Variants in PCDHGA4 observed in about 807,000 individuals in gnomAD.
PCDHGA4 encodes protocadherin gamma subfamily A, 4.
PCDHGA4 carries 38 observed loss-of-function variants against 54.6 expected under a neutral mutation model. The observed-to-expected ratio is 0.70, with a 90% CI of 0.54 to 0.91. The LOEUF (loss-of-function observed/expected upper bound fraction) is 0.91. Among genes scored for constraint, PCDHGA4 ranks in the 40% least tolerant of loss-of-function variants. The pLI, the probability that PCDHGA4 is intolerant of heterozygous loss-of-function variation, is 0.00. For missense variants in PCDHGA4, 1,298 were observed against 1,220.9 expected, an observed-to-expected ratio of 1.06 and a Z score of -0.94; for synonymous variants, 511 against 512.9, an observed-to-expected ratio of 1.00 and a Z score of 0.05.
chr5:141,415,477 CGAAA>C (rs764359660), intron 1 of PCDHGA4: 56 of 1,614,066 alleles, frequency 3.5e-5, no homozygotes, highest in Middle Eastern at 3.3e-4. Context: ...CGCGGACTCG[CGAAA>C]GAGTCACCTG....
intron 1 of PCDHGA4, chr5:141,376,291 C>G (rs780024608): frequency 6.2e-6 from 10 of 1,614,040 alleles, no homozygotes; most frequent in South Asian, 1.1e-5. Flanking sequence ...CGAGCATGCC[C>G]GGCTCGCACT....
In PCDHGA4 at chr5:141,490,540, C is replaced by T; in HGVS notation, c.2515-4267C>T. The T allele has an allele frequency of 6.2e-7, 1 of 1,614,148 alleles. No homozygotes were observed. Among genetic ancestry groups the T allele is most frequent in the Non-Finnish European group, 8.5e-7 (1 of 1,180,024 alleles). ...GGCCAGCGATGCTGGTTCACCTTCC[C>T]TACACAAACATCTCACCATCAGGCT... On this transcript the variant is annotated intron_variant, in intron 1 of 3. Coordinates refer to ENST00000571252, the MANE Select transcript of PCDHGA4 (RefSeq NM_018917.4). This position sits in a 1 kb window ranked among gnomAD's most constrained non-coding sequence, Gnocchi z 5.4.
chr5:141,369,471 A>T (rs1182179165), intron 1 of PCDHGA4, among the ~76,000 whole-genome samples: 1 of 152,168 alleles, frequency 6.6e-6, no homozygotes, highest in South Asian at 2.1e-4. Context: ...GTTCTAGCCC[A>T]GCCTGGGCAA....
chr5:141,394,302 C>T (rs1380425662), intron 1 of PCDHGA4: 1 of 1,614,010 alleles, frequency 6.2e-7, no homozygotes, highest in Non-Finnish European at 8.5e-7. Flanking sequence ...GGACACGCTG[C>T]AGGGGGCGCC....
Position 141,432,155 on chromosome 5 carries a change from C to T in PCDHGA4, c.2515-62652C>T, listed in dbSNP as rs368480052. 3.8e-5 allele frequency: 62 copies of T among 1,614,178 alleles called. No individual in the cohort carries two copies. In the African/African-American group the frequency reaches 7.1e-4, roughly 18 times the overall value. On this transcript the variant is annotated intron_variant, in intron 1 of 3. Coordinates refer to ENST00000571252, the MANE Select transcript of PCDHGA4 (RefSeq NM_018917.4). This position sits in a 1 kb window ranked among gnomAD's most constrained non-coding sequence, Gnocchi z 6.0. ...TTCCGCTTATATCCCAGAGAACAATCCCAGAGGAGTTTCCCTCGTCTCTGT... is the reference window on the plus strand; with the variant it reads ...TTCCGCTTATATCCCAGAGAACAATTCCAGAGGAGTTTCCCTCGTCTCTGT...
intron 2 of PCDHGA4, among the ~76,000 whole-genome samples, chr5:141,495,826 A>G (rs1190417828): frequency 6.6e-6 from 1 of 150,888 alleles, no homozygotes; most frequent in African/African-American, 2.4e-5. Flanking sequence ...GTGTTCTTCT[A>G]TCCCCAGCCT....
intron 1 of PCDHGA4, chr5:141,423,619 T>A (rs1389600826): frequency 1.2e-6 from 2 of 1,608,208 alleles, no homozygotes; most frequent in Non-Finnish European, 1.7e-6. Context: ...AGCTGAAGAC[T>A]CAGCTATCAT....
chr5:141,399,631 T>A lies in PCDHGA4; in HGVS notation c.2514+42010T>A, dbSNP rs1251761184. On this transcript the variant is annotated intron_variant, in intron 1 of 3. Transcript: ENST00000571252. ...GCCTCTGGCACTGGCCTCTTACGTGTCCATGAGCGCGCAAAGTGGGGTGGT... is the reference window on the plus strand; with the variant it reads ...GCCTCTGGCACTGGCCTCTTACGTGACCATGAGCGCGCAAAGTGGGGTGGT... 31 of 1,613,746 alleles carry A rather than the reference T, an allele frequency of 1.9e-5. No homozygotes were observed. The highest frequency in any genetic ancestry group is 2.4e-5 in the Non-Finnish European group (28 of 1,179,892).
chr5:141,372,588 T>G lies in PCDHGA4; in HGVS notation c.2514+14967T>G, dbSNP rs781493035. 9.3e-6 allele frequency: 15 copies of G among 1,613,932 alleles called. No individual in the cohort carries two copies. The South Asian group carries it at 1.2e-4, about 13-fold the overall frequency. ...TGAGGGCTACTTTCAGCCTGGTGTC[T>G]GCTTCAAGACTGTACCTGGAGTTCT... On this transcript the variant is annotated intron_variant, in intron 1 of 3. Transcript: ENST00000571252.
At position 141,476,318 on chromosome 5, in the gene PCDHGA4, G is replaced by A. The variant is rs767809530; in HGVS notation, c.2515-18489G>A. ...TAGCCTCTCAGCCCGCAGGTTCCGG[G>A]TGGTGTCTGGAGCTAGCCGAAGATT... is the stretch of plus-strand genomic sequence containing the variant. On this transcript the variant is annotated intron_variant, in intron 1 of 3. Coordinates refer to ENST00000571252, the MANE Select transcript of PCDHGA4 (RefSeq NM_018917.4). This position sits in a 1 kb window ranked among gnomAD's most constrained non-coding sequence, Gnocchi z 7.6. The A allele has an allele frequency of 6.2e-6, 10 of 1,614,084 alleles. No homozygotes were observed. Among genetic ancestry groups the A allele is most frequent in the Non-Finnish European group, 7.6e-6 (9 of 1,180,060 alleles).
chr5:141,457,270 T>C (rs1338894991), intron 1 of PCDHGA4, among the ~76,000 whole-genome samples: 2 of 152,234 alleles, frequency 1.3e-5, no homozygotes. Flanking sequence ...TTCCCCTCTG[T>C]GGGCCTACGA....
rs545544226 is a variant in PCDHGA4, at chr5:141,376,066, C to T, written c.2514+18445C>T. 2.3e-5 allele frequency: 37 copies of T among 1,613,396 alleles called. 2 individuals are homozygous for T. The South Asian group carries it at 3.6e-4, about 16-fold the overall frequency. ...CTCTCTCCGCCACTGTCACGCTCACCGTGGCCGTGGCCGACAGGATCCCCG... is the reference window on the plus strand; with the variant it reads ...CTCTCTCCGCCACTGTCACGCTCACTGTGGCCGTGGCCGACAGGATCCCCG... On this transcript the variant is annotated intron_variant, in intron 1 of 3. Transcript: ENST00000571252.
chr5:141,385,284 A>C (rs1419920858), intron 1 of PCDHGA4: 5 of 1,613,356 alleles, frequency 3.1e-6, no homozygotes, highest in Non-Finnish European at 3.4e-6. Flanking sequence ...TAACATCCGT[A>C]GATTTTCAGG....
Position 141,446,243 on chromosome 5 carries a change from C to T in PCDHGA4, c.2515-48564C>T, listed in dbSNP as rs552551215. Among the ~76,000 whole-genome samples, 23 of 152,096 alleles carry T rather than the reference C, an allele frequency of 1.5e-4. 1 individual carries two copies. The South Asian group carries it at 4.6e-3, about 30-fold the overall frequency. On this transcript the variant is annotated intron_variant, in intron 1 of 3. Coordinates refer to ENST00000571252, the MANE Select transcript of PCDHGA4 (RefSeq NM_018917.4). ...TTGTGTTGCCTGGCAAGTGGTAGAT[C>T]TTCAGTGAAATATTATTAACTGAAT...
chr5:141,379,819 A>T (rs1775847622), intron 1 of PCDHGA4, among the ~76,000 whole-genome samples: 1 of 150,144 alleles, frequency 6.7e-6, no homozygotes, highest in African/African-American at 2.4e-5. Context: ...TCAGTATAGA[A>T]TTTTGAAGCA....
Position 141,423,508 on chromosome 5 carries a change from A to T in PCDHGA4, c.2514+65887A>T, listed in dbSNP as rs962526072. ...AACCTATTCCCACGAGGTCTCTCTCATTGCGGACTCGCAGAAGAGTCACCT... is the reference window on the plus strand; with the variant it reads ...AACCTATTCCCACGAGGTCTCTCTCTTTGCGGACTCGCAGAAGAGTCACCT... On this transcript the variant is annotated intron_variant, in intron 1 of 3. Coordinates refer to ENST00000571252, the MANE Select transcript of PCDHGA4 (RefSeq NM_018917.4). The T allele has an allele frequency of 9.9e-6, 16 of 1,613,742 alleles. No homozygotes were observed. The highest frequency in any genetic ancestry group is 1.6e-4 in the Middle Eastern group (1 of 6,084).
At chr5:141,371,783 G>A in intron 1 of PCDHGA4, 1 of 1,613,986 alleles carries the variant, frequency 6.2e-7, no homozygotes, top group Non-Finnish European at 8.5e-7. Flanking sequence ...ATGTAGCTGA[G>A]AACAATCCGC....
At chr5:141,371,323 A>C in intron 1 of PCDHGA4, 5 of 1,614,012 alleles carry the variant, frequency 3.1e-6, no homozygotes, top group Non-Finnish European at 4.2e-6. Flanking sequence ...CTGGACTTTG[A>C]AGAGAGAGAT....
rs1562131721 is a variant in PCDHGA4, at chr5:141,489,636, C to CGAGA, written c.2515-5171_2515-5170insGAGA. 10 of 1,614,074 alleles carry CGAGA rather than the reference C, an allele frequency of 6.2e-6. No individual in the cohort carries two copies. The highest frequency in any genetic ancestry group is 2.7e-5 in the African/African-American group (2 of 74,930). On this transcript the variant is annotated intron_variant, in intron 1 of 3. Coordinates refer to ENST00000571252, the MANE Select transcript of PCDHGA4 (RefSeq NM_018917.4). This position sits in a 1 kb window ranked among gnomAD's most constrained non-coding sequence, Gnocchi z 4.5. ...TGGATCTCAATGACAACTCTCCTAG[C>CGAGA]TTTGCCACCCCTGAGCGAGAGATGC...
Sources: allele counts gnomAD v4.1 joint callset (sites outside exome capture counted in the v4.1 genomes callset), GRCh38; gene constraint gnomAD v4.1.1; non-coding constraint Gnocchi (gnomAD v3.1); transcripts MANE v1.5; gene names NCBI Gene and HGNC (gene_info 2026-07-23, HGNC 2026-07-21).